Variants in DMD observed in about 807,000 individuals in gnomAD.
The protein encoded by DMD is mutant dystrophin.
DMD carries 63 observed loss-of-function variants against 330.1 expected under a neutral mutation model. The ratio of observed to expected loss-of-function variants is 0.19; its 90% CI spans 0.16 to 0.24. DMD has a LOEUF of 0.24. Ranked by LOEUF, DMD falls within the 10% of genes least tolerant of loss-of-function variation. The probability of loss-of-function intolerance (pLI) is 1.00; values close to 1 mark genes in which losing one functional copy is unlikely to be tolerated. For synonymous variants in DMD, 1,223 were observed against 959.8 expected (o/e 1.27, Z -5.07); for missense variants, 3,344 against 2,684.1 (o/e 1.25, Z -5.43).
chrX:31,403,351 T>C (rs1248265559), intron 60 of DMD, among the ~76,000 whole-genome samples: 1 of 111,924 alleles, frequency 8.9e-6, no homozygotes, highest in Non-Finnish European at 1.9e-5. Context: ...ATGTGATTCA[T>C]TTTAAAGATT....
intron 34 of DMD, among the ~76,000 whole-genome samples, chrX:32,377,227 G>A (rs1296736510): frequency 9.0e-6 from 1 of 111,415 alleles, no homozygotes; most frequent in Non-Finnish European, 1.9e-5. Context: ...GATACTTCAT[G>A]CCCCCTATAA....
chrX:32,120,664 C>T lies in DMD; in HGVS notation c.6438+96252G>A, dbSNP rs182799482. 2.7e-5 allele frequency among the ~76,000 whole-genome samples: 3 copies of T among 112,008 alleles called. No homozygotes were observed. The East Asian group carries it at 8.4e-4, about 31-fold the overall frequency. On this transcript the variant is annotated intron_variant, in intron 44 of 78. Transcript: ENST00000357033. ...CTGGGGTTTTGTTACTTCTTCCACT[C>T]CTAACTTCATTTATAATCAAGGCCC...
At chrX:32,995,113 A>G (rs777586330) in intron 2 of DMD, among the ~76,000 whole-genome samples, 14 of 112,190 alleles carry the variant, frequency 1.2e-4, no homozygotes, top group Non-Finnish European at 2.1e-4. Flanking sequence ...TCAAAAACCA[A>G]ACCAAAACAA....
At chrX:32,026,114 G>A (rs1381162437) in intron 44 of DMD, among the ~76,000 whole-genome samples, 2 of 111,692 alleles carry the variant, frequency 1.8e-5, no homozygotes, top group Admixed American at 1.9e-4. Flanking sequence ...AAAAATGCAT[G>A]TCTGGTTAAA....
chrX:32,799,542 C>T (rs1297790804), intron 7 of DMD, among the ~76,000 whole-genome samples: 2 of 109,558 alleles, frequency 1.8e-5, no homozygotes, highest in African/African-American at 6.6e-5. Flanking sequence ...AACATCCTCA[C>T]TTTGTTATTC....
chrX:31,232,760 C>T (rs1343710200), intron 63 of DMD, among the ~76,000 whole-genome samples: 4 of 111,757 alleles, frequency 3.6e-5, no homozygotes, highest in African/African-American at 1.3e-4. Context: ...CTGCACCACA[C>T]ACCAGGGCGC....
At chrX:32,598,667 T>C (rs1206116325) in intron 12 of DMD, among the ~76,000 whole-genome samples, 1 of 112,406 alleles carries the variant, frequency 8.9e-6, no homozygotes, top group Non-Finnish European at 1.9e-5. Context: ...TTATTGAGTC[T>C]TTTAAAGTCT....
At chrX:31,832,195 T>G (rs1445738382) in intron 49 of DMD, among the ~76,000 whole-genome samples, 1 of 112,342 alleles carries the variant, frequency 8.9e-6, no homozygotes, top group East Asian at 2.8e-4. Flanking sequence ...TTGTTTTAAG[T>G]GTAATTATAT....
At chrX:32,403,229 G>C (rs1217333595) in intron 30 of DMD, among the ~76,000 whole-genome samples, 2 of 112,014 alleles carry the variant, frequency 1.8e-5, no homozygotes, top group African/African-American at 6.5e-5. Flanking sequence ...TGCTATCTTT[G>C]AAGTAAATAT....
chrX:31,863,026 G>A (rs1315190164), intron 48 of DMD, among the ~76,000 whole-genome samples: 2 of 112,819 alleles, frequency 1.8e-5, no homozygotes, highest in Non-Finnish European at 3.8e-5. Context: ...GCCTGAGGCT[G>A]CCCGCACCCA....
chrX:31,548,214 A>G (rs1450272472), intron 55 of DMD, among the ~76,000 whole-genome samples: 1 of 112,091 alleles, frequency 8.9e-6, no homozygotes, highest in African/African-American at 3.2e-5. Context: ...ATAGGTTGCC[A>G]GCATGAGTGT....
At chrX:32,643,468 T>A (rs1277205157) in intron 11 of DMD, among the ~76,000 whole-genome samples, 1 of 111,059 alleles carries the variant, frequency 9.0e-6, no homozygotes, top group Admixed American at 9.6e-5. Context: ...TAAAAATAAA[T>A]CTATCTTGTC....
Position 32,198,284 on chromosome X carries a change from A to T in DMD, c.6438+18632T>A, listed in dbSNP as rs186400598. 4.2e-3 allele frequency among the ~76,000 whole-genome samples: 469 copies of T among 112,133 alleles called. 2 individuals carry two copies. Among genetic ancestry groups the T allele is most frequent in the African/African-American group, 0.015 (452 of 30,933 alleles). On this transcript the variant is annotated intron_variant, in intron 44 of 78. Transcript: ENST00000357033. The stretch of plus-strand genomic sequence containing the variant: ...ATGGATAAGATAATAAGATAATTTA[A>T]GAAAAATTATCCAAAACTTAGAAGT...
chrX:32,196,405 A>G (rs764611328), intron 44 of DMD, among the ~76,000 whole-genome samples: 41 of 112,371 alleles, frequency 3.6e-4, no homozygotes, highest in African/African-American at 1.2e-3. Context: ...CAGCCATTTC[A>G]TCACACTAAC....
chrX:31,693,953 C>T, intron 52 of DMD, among the ~76,000 whole-genome samples: 1 of 111,360 alleles, frequency 9.0e-6, no homozygotes, highest in Non-Finnish European at 1.9e-5. Context: ...CCTGGATAGC[C>T]AAAGCTGTCT....
chrX:32,533,989 C>T (rs183855635), intron 17 of DMD, among the ~76,000 whole-genome samples: 18 of 112,111 alleles, frequency 1.6e-4, no homozygotes, highest in Non-Finnish European at 3.0e-4. Flanking sequence ...CCACTGCCAG[C>T]ATCATGACCT....
chrX:31,692,373 T>C (rs1371220541), intron 52 of DMD, among the ~76,000 whole-genome samples: 1 of 110,222 alleles, frequency 9.1e-6, no homozygotes, highest in Non-Finnish European at 1.9e-5. Flanking sequence ...AAAAGAAGAA[T>C]GAATTAAGCC....
intron 1 of DMD, among the ~76,000 whole-genome samples, chrX:33,160,360 C>T (rs1390048048): frequency 9.0e-6 from 1 of 111,515 alleles, no homozygotes; most frequent in Middle Eastern, 4.2e-3. Flanking sequence ...ACCAGGGCCA[C>T]AGCCTAGTCA....
At chrX:33,207,763 G>T (rs964035499) in intron 1 of DMD, among the ~76,000 whole-genome samples, 11 of 111,802 alleles carry the variant, frequency 9.8e-5, no homozygotes, top group African/African-American at 3.6e-4. Context: ...GTAGGGAAAA[G>T]GTGAAGACTA....
Sources: allele counts gnomAD v4.1 joint callset (sites outside exome capture counted in the v4.1 genomes callset), GRCh38; gene constraint gnomAD v4.1.1; transcripts MANE v1.5; gene names NCBI Gene and HGNC (gene_info 2026-07-23, HGNC 2026-07-21).